Variants in SYS1 observed in about 807,000 individuals in gnomAD.
SYS1 encodes protein SYS1 homolog.
A neutral mutation model predicts 17.8 loss-of-function variants in SYS1; 8 were observed. The ratio of observed to expected loss-of-function variants is 0.45; its 90% CI spans 0.26 to 0.81. The LOEUF is 0.81. Ranked by LOEUF, SYS1 falls within the 40% of genes least tolerant of loss-of-function variation. The pLI is 0.16. For missense variants in SYS1, 161 were observed against 203.9 expected, an observed-to-expected ratio of 0.79 and a Z score of 1.28; for synonymous variants, 95 against 90.9, an observed-to-expected ratio of 1.05 and a Z score of -0.26.
rs1462683814 is a variant in SYS1, at chr20:45,368,596, G to A, written c.*1481G>A. On this transcript the variant is annotated 3_prime_UTR_variant, in exon 4 of 4. Coordinates refer to ENST00000243918, the MANE Select transcript of SYS1 (RefSeq NM_033542.4). Reference sequence around the variant, plus strand: ...AGTAGGGAGTTGATGCTGACAGGATGAAGATTTAGGAATAAATATGCCTGG... The same window carrying A: ...AGTAGGGAGTTGATGCTGACAGGATAAAGATTTAGGAATAAATATGCCTGG... The A allele has an allele frequency of 3.0e-6, 3 of 985,324 alleles. No homozygotes were observed. Among genetic ancestry groups the A allele is most frequent in the Non-Finnish European group, 2.4e-6 (2 of 829,954 alleles). 61.0% of individuals were successfully genotyped at this position (985,324 alleles called of 1,614,324 possible).
chr20:45,363,547 C>T lies in SYS1; in HGVS notation c.16C>T (p.Arg6Cys). ...CCTGCAGGGCATGGCGGGTCAGTTC[C>T]GCAGCTACGTGTGGGACCCGCTGCT... Reference protein sequence around the residue: MAGQFRSYVWDPLLIL... With the variant: MAGQFCSYVWDPLLIL... The change falls in exon 2 of 4, where the codon CGC becomes TGC. Residue 6 changes from arginine to cysteine, a missense_variant. Arg to Cys is a radical substitution (Grantham distance 180, BLOSUM62 -3). Transcript: ENST00000243918. 1 of 1,565,238 alleles carries T rather than the reference C, an allele frequency of 6.4e-7. No individual in the cohort carries two copies. The highest frequency in any genetic ancestry group is 8.6e-7 in the Non-Finnish European group (1 of 1,156,918).
At chr20:45,371,049 G>C (rs541634614), downstream of SYS1, among the ~76,000 whole-genome samples, 34 of 152,254 alleles carry the variant, frequency 2.2e-4, no homozygotes, top group African/African-American at 7.7e-4. Context: ...CAAAGTCCTG[G>C]AGTCCCATTA....
At chr20:45,375,539 A>C (rs1319832049) in exon 4 of SYS1, 2 of 1,607,570 alleles carry the variant, frequency 1.2e-6, no homozygotes, top group Non-Finnish European at 1.7e-6. Context: ...GTTTTATTGC[A>C]GGCACTGTTT....
In SYS1 at chr20:45,368,206, C is replaced by T. The variant is rs1988479851; in HGVS notation, c.*1091C>T. ...GGAACTTTAAAGAATTATTAGGCCA[C>T]CTTCTCCCTTTCCTGGACCCCAGAG... On this transcript the variant is annotated 3_prime_UTR_variant, in exon 4 of 4. Coordinates refer to ENST00000243918, the MANE Select transcript of SYS1 (RefSeq NM_033542.4). 1.0e-6 allele frequency: 1 copy of T among 985,314 alleles called. No individual in the cohort carries two copies. The highest frequency in any genetic ancestry group is 4.7e-5 in the South Asian group (1 of 21,296). 61.0% of individuals were successfully genotyped at this position (985,314 alleles called of 1,614,324 possible). A position where few individuals can be genotyped will look rare whatever the true frequency, so the allele number is the denominator to read the frequency against.
rs1456753035 is a variant in SYS1, at chr20:45,368,651, C to T, written c.*1536C>T. On this transcript the variant is annotated 3_prime_UTR_variant, in exon 4 of 4. Transcript: ENST00000243918. ...AGACTGGGAAGGTTCTAGGGTGAGGCACCTCAGTAACTCATGGTACCTTGG... is the reference window on the plus strand; with the variant it reads ...AGACTGGGAAGGTTCTAGGGTGAGGTACCTCAGTAACTCATGGTACCTTGG... 4.1e-6 allele frequency: 4 copies of T among 985,292 alleles called. No individual in the cohort carries two copies. In the East Asian group the frequency reaches 4.5e-4, roughly 112 times the overall value. The allele number at this position is 985,292 out of a possible 1,614,324, so 61.0% of individuals were successfully genotyped here.
intron 2 of SYS1, among the ~76,000 whole-genome samples, chr20:45,364,409 A>G (rs1988333739): frequency 1.4e-5 from 2 of 147,168 alleles, no homozygotes; most frequent in African/African-American, 5.0e-5. Flanking sequence ...AGTGTAAAGG[A>G]GGCCTATAAG....
In SYS1 at chr20:45,363,288, GAC is replaced by G; in HGVS notation, c.-28_-27del. On this transcript the variant is annotated 5_prime_UTR_variant, in exon 1 of 4. Transcript: ENST00000243918. ...CGCCGGTGAGGCCGGGCCACGCTCA[GAC>G]ACTTCGATCGTCGAGTCTGTCACTG... The G allele has an allele frequency of 7.6e-7, 1 of 1,319,362 alleles. No individual in the cohort carries two copies. The highest frequency in any genetic ancestry group is 9.7e-7 in the Non-Finnish European group (1 of 1,031,328). The allele number at this position is 1,319,362 out of a possible 1,614,324, so 81.7% of individuals were successfully genotyped here.
At chr20:45,374,207 C>T (rs1988648139), downstream of SYS1, 1 of 677,820 alleles carries the variant, frequency 1.5e-6, no homozygotes, top group Non-Finnish European at 2.7e-6. Context: ...TTCATTCTCC[C>T]ACGAAAGGGC....
chr20:45,369,717 G>A (rs547876588), downstream of SYS1, among the ~76,000 whole-genome samples: 6 of 148,288 alleles, frequency 4.0e-5, no homozygotes, highest in East Asian at 1.0e-3. Flanking sequence ...TCCTCCTGCC[G>A]CAGCCCCCCA....
chr20:45,369,266 G>A (rs1424181198), downstream of SYS1: 3 of 152,160 alleles, frequency 2.0e-5, no homozygotes, highest in African/African-American at 7.2e-5. Flanking sequence ...ATCTTCACAA[G>A]AACCCTCTGA....
chr20:45,362,538 G>T (rs908801084), upstream of SYS1, among the ~76,000 whole-genome samples: 2 of 152,004 alleles, frequency 1.3e-5, no homozygotes, highest in African/African-American at 4.8e-5. Flanking sequence ...CGCTAATTTT[G>T]TATTTTTAGC....
chr20:45,366,101 C>G (rs981779499), intron 3 of SYS1, among the ~76,000 whole-genome samples: 1 of 152,202 alleles, frequency 6.6e-6, no homozygotes, highest in Non-Finnish European at 1.5e-5. Context: ...TAATCATTGC[C>G]TGTCTCTTAA....
chr20:45,376,082 T>A (rs1988722957), exon 4 of SYS1: 1 of 152,368 alleles, frequency 6.6e-6, no homozygotes, highest in Admixed American at 6.5e-5. Context: ...TCTGTCTCCA[T>A]ACAAAAAAAA....
intron 2 of SYS1, among the ~76,000 whole-genome samples, chr20:45,364,436 G>GC (rs1386852439): frequency 6.7e-6 from 1 of 149,560 alleles, no homozygotes; most frequent in African/African-American, 2.5e-5. Flanking sequence ...CATCTAAGAG[G>GC]CAGCTGTGGC....
At chr20:45,363,909 A>G (rs1468369599) in intron 2 of SYS1, among the ~76,000 whole-genome samples, 1 of 152,248 alleles carries the variant, frequency 6.6e-6, no homozygotes, top group East Asian at 1.9e-4. Context: ...TGTTAATACA[A>G]TAAACACGTC....
rs754662836 is a variant in SYS1 at position 45,367,595 on chromosome 20, G to A, written c.*480G>A. ...TCTGTTGGAGAAACGCTTGGTTTCC[G>A]GATCCAGAGCCACAGAAAGAAATGT... On this transcript the variant is annotated 3_prime_UTR_variant, in exon 4 of 4. Transcript: ENST00000243918. The A allele has an allele frequency of 2.9e-5, 29 of 990,520 alleles. No individual in the cohort carries two copies. Among genetic ancestry groups the A allele is most frequent in the South Asian group, 8.7e-5 (2 of 23,026 alleles). The allele number at this position is 990,520 out of a possible 1,614,324, so 61.4% of individuals were successfully genotyped here. A position where few individuals can be genotyped will look rare whatever the true frequency, so the allele number is the denominator to read the frequency against.
At chr20:45,373,410 G>T (rs186605525), downstream of SYS1, 713 of 168,848 alleles carry the variant, frequency 4.2e-3, 4 homozygotes, top group African/African-American at 0.016. Context: ...ATCAATTTTT[G>T]ACAATCAGGT....
At chr20:45,375,795 T>G (rs1988713408) in exon 4 of SYS1, 1 of 526,160 alleles carries the variant, frequency 1.9e-6, no homozygotes. Flanking sequence ...AGAATGAATA[T>G]TGTCTACATC....
Position 45,368,480 on chromosome 20 carries a change from G to A in SYS1, c.*1365G>A. On this transcript the variant is annotated 3_prime_UTR_variant, in exon 4 of 4. Coordinates refer to ENST00000243918, the MANE Select transcript of SYS1 (RefSeq NM_033542.4). ...CCAAGAGAGCTGTCAGTTTTCAGCT[G>A]TCAGTAACACAAATGAGTTTATGGT... The A allele has an allele frequency of 1.7e-5, 17 of 985,438 alleles. No homozygotes were observed. The highest frequency in any genetic ancestry group is 2.0e-5 in the Non-Finnish European group (17 of 829,936). The allele number at this position is 985,438 out of a possible 1,614,324, so 61.0% of individuals were successfully genotyped here.
Sources: allele counts gnomAD v4.1 joint callset (sites outside exome capture counted in the v4.1 genomes callset), GRCh38; gene constraint gnomAD v4.1.1; transcripts MANE v1.5; gene names NCBI Gene and HGNC (gene_info 2026-07-23, HGNC 2026-07-21).